Variants in SLC16A12 observed in about 807,000 individuals in gnomAD.
The protein encoded by SLC16A12 is monocarboxylate transporter 12.
SLC16A12 carries 17 observed loss-of-function variants against 42.4 expected under a neutral mutation model. The ratio of observed to expected loss-of-function variants is 0.40; its 90% CI spans 0.27 to 0.60. The LOEUF (loss-of-function observed/expected upper bound fraction) is 0.60. Among genes scored for constraint, SLC16A12 ranks in the 20% least tolerant of loss-of-function variants. SLC16A12 has a pLI of 0.42. For missense variants in SLC16A12, 544 were observed against 623.0 expected (o/e 0.87, Z 1.35); for synonymous variants, 224 against 229.4 (o/e 0.98, Z 0.21).
chr10:89,459,873 G>A (rs564181800), intron 3 of SLC16A12, among the ~76,000 whole-genome samples: 7 of 152,266 alleles, frequency 4.6e-5, no homozygotes, highest in Admixed American at 2.0e-4. Flanking sequence ...CCCGGGAGGC[G>A]GAGGTTGCAG....
intron 2 of SLC16A12, among the ~76,000 whole-genome samples, chr10:89,514,910 G>T (rs1262967663): frequency 1.3e-5 from 2 of 152,104 alleles, no homozygotes; most frequent in Non-Finnish European, 2.9e-5. Context: ...GGCCAACATG[G>T]TGAAACCTCG....
intron 2 of SLC16A12, among the ~76,000 whole-genome samples, chr10:89,509,066 A>G (rs936535712): frequency 2.0e-5 from 3 of 152,224 alleles, no homozygotes; most frequent in African/African-American, 4.8e-5. Flanking sequence ...ATCTCTAAAT[A>G]GACCAATAAC....
At chr10:89,450,691 G>T (rs980142453) in intron 3 of SLC16A12, among the ~76,000 whole-genome samples, 1 of 152,070 alleles carries the variant, frequency 6.6e-6, no homozygotes. Context: ...AACCAACATG[G>T]CACATGTATA....
rs757829731 is a variant in SLC16A12 at position 89,436,315 on chromosome 10, G to C, written c.1033C>G (p.Leu345Val). The part of the protein sequence containing the change: ...TFGWLTDRRC[L>V]KNYQYVCYLF... ...TAGCAAACATACTGGTAATTCTTCA[G>C]ACACCTGTAGATTTGAAGAACAAGA... The change falls in exon 7 of 8, where the codon CTG (leucine) becomes GTG (valine). Residue 345 changes from leucine (L) to valine (V), a missense_variant. Coordinates refer to ENST00000371790, the MANE Select transcript of SLC16A12 (RefSeq NM_213606.4). The C allele has an allele frequency of 6.2e-7, 1 of 1,614,060 alleles. No homozygotes were observed. Among genetic ancestry groups the C allele is most frequent in the South Asian group, 1.1e-5 (1 of 91,060 alleles).
intron 2 of SLC16A12, among the ~76,000 whole-genome samples, chr10:89,483,768 C>A (rs921807731): frequency 8.5e-4 from 111 of 129,956 alleles, no homozygotes; most frequent in African/African-American, 3.1e-3. Context: ...AAAAAAAAAA[C>A]GGAAGAAGAA....
chr10:89,465,846 C>T (rs769590165), intron 2 of SLC16A12, among the ~76,000 whole-genome samples: 3 of 152,266 alleles, frequency 2.0e-5, no homozygotes, highest in East Asian at 1.9e-4. Context: ...AGGCACAGAA[C>T]GGGAAGTATC....
At chr10:89,514,748 A>T (rs1589719725) in intron 2 of SLC16A12, among the ~76,000 whole-genome samples, 2 of 152,192 alleles carry the variant, frequency 1.3e-5, no homozygotes, top group Non-Finnish European at 2.9e-5. Flanking sequence ...GGTTGACATG[A>T]CCCATCAATC....
In SLC16A12 at chr10:89,433,052, C is replaced by T; in HGVS notation, c.*12G>A. On this transcript the variant is annotated 3_prime_UTR_variant, in exon 8 of 8. Transcript: ENST00000371790. ...TCTCAAACCTGAAGATTCTGGGGCT[C>T]AAGGCCTTTGGTCATGTGAGGCTGT... 1.9e-6 allele frequency: 3 copies of T among 1,613,982 alleles called. No homozygotes were observed. Among genetic ancestry groups the T allele is most frequent in the East Asian group, 2.2e-5 (1 of 44,884 alleles).
intron 2 of SLC16A12, among the ~76,000 whole-genome samples, chr10:89,498,240 G>C (rs112274771): frequency 2.6e-5 from 4 of 152,130 alleles, no homozygotes; most frequent in Non-Finnish European, 5.9e-5. Flanking sequence ...GGTGAGGTGG[G>C]AAGATGGCTT....
intron 2 of SLC16A12, among the ~76,000 whole-genome samples, chr10:89,547,605 C>T (rs910106192): frequency 6.6e-6 from 1 of 152,078 alleles, no homozygotes; most frequent in African/African-American, 2.4e-5. Flanking sequence ...TTTACTACAA[C>T]CTTATAATAA....
At chr10:89,470,903 C>T (rs10887967) in intron 2 of SLC16A12, among the ~76,000 whole-genome samples, 5,031 of 124,606 alleles carry the variant, frequency 0.04, 257 homozygotes, top group African/African-American at 0.13. Flanking sequence ...TAACCACCTC[C>T]CCCACCACTA....
chr10:89,446,008 T>C (rs1841994550), intron 3 of SLC16A12, among the ~76,000 whole-genome samples: 3 of 152,122 alleles, frequency 2.0e-5, no homozygotes, highest in Admixed American at 1.3e-4. Flanking sequence ...AGGGTATCAG[T>C]GATTGAAGAT....
At chr10:89,520,088 C>T (rs1166023389) in intron 2 of SLC16A12, among the ~76,000 whole-genome samples, 2 of 150,836 alleles carry the variant, frequency 1.3e-5, no homozygotes, top group Non-Finnish European at 1.5e-5. Flanking sequence ...ACTCCAGTCT[C>T]GGTGACAGAG....
chr10:89,497,466 G>A (rs1025002831), intron 2 of SLC16A12, among the ~76,000 whole-genome samples: 1 of 152,126 alleles, frequency 6.6e-6, no homozygotes, highest in African/African-American at 2.4e-5. Context: ...GGAACTCAAA[G>A]ACCAGGTCTT....
chr10:89,536,239 T>G (rs1843659519), upstream of SLC16A12, among the ~76,000 whole-genome samples: 1 of 152,100 alleles, frequency 6.6e-6, no homozygotes, highest in African/African-American at 2.4e-5. Context: ...AAGGCCTCCT[T>G]TAGGTGTATC....
intron 2 of SLC16A12, among the ~76,000 whole-genome samples, chr10:89,489,874 A>T (rs1842821483): frequency 6.6e-6 from 1 of 152,180 alleles, no homozygotes; most frequent in Admixed American, 6.5e-5. Flanking sequence ...GTTCCTAAAG[A>T]TATGTCTAAT....
Position 89,444,784 on chromosome 10 carries a change from G to T in SLC16A12, c.201-925C>A, listed in dbSNP as rs558428067. Among the ~76,000 whole-genome samples, 3 of 152,290 alleles carry T rather than the reference G, an allele frequency of 2.0e-5. No individual in the cohort carries two copies. The South Asian group carries it at 6.2e-4, about 32-fold the overall frequency. On this transcript the variant is annotated intron_variant, in intron 3 of 7. Coordinates refer to ENST00000371790, the MANE Select transcript of SLC16A12 (RefSeq NM_213606.4). ...AGTGGGTGTAGCCCATGGAGGGGGA[G>T]CCGAAGCAGGGTGGGGCATTGCCTC...
chr10:89,507,294 G>A lies in SLC16A12; in HGVS notation c.-47+27207C>T, dbSNP rs538238189. Among the ~76,000 whole-genome samples, 5 of 152,232 alleles carry A rather than the reference G, an allele frequency of 3.3e-5. 1 individual carries two copies. The highest frequency in any genetic ancestry group is 7.2e-5 in the African/African-American group (3 of 41,560). On this transcript the variant is annotated intron_variant, in intron 2 of 7. Transcript: ENST00000371790. ...TCATCAGACTCACCAAGGTTGAAAT[G>A]AAGGAAAAAATGTTAAAGGCAGCCA...
upstream of SLC16A12, among the ~76,000 whole-genome samples, chr10:89,536,118 C>G (rs898295443): frequency 6.6e-6 from 1 of 152,228 alleles, no homozygotes; most frequent in African/African-American, 2.4e-5. Context: ...CTGCCGGACC[C>G]TCCCCGGGAA....
Sources: gnomAD v4.1 joint callset for allele counts (sites outside exome capture counted in the v4.1 genomes callset) on GRCh38, gnomAD v4.1.1 for gene constraint, MANE v1.5 for transcripts, NCBI Gene and HGNC (gene_info 2026-07-23, HGNC 2026-07-21) for gene names.